TANC1: variants seen among roughly 807,000 people sequenced by gnomAD.
The protein encoded by TANC1 is tetratricopeptide repeat, ankyrin repeat and coiled-coil containing 1, also known as protein TANC1.
In TANC1, 77 loss-of-function variants were observed where a neutral mutation model predicts 149.7. The observed-to-expected ratio is 0.51, with a 90% CI of 0.43 to 0.62. The LOEUF is 0.62. Among genes scored for constraint, TANC1 ranks in the 20% least tolerant of loss-of-function variants. The pLI is 0.00. For missense variants in TANC1, 1,985 were observed against 2,321.8 expected, an observed-to-expected ratio of 0.85 and a Z score of 2.98; for synonymous variants, 854 against 925.0, an observed-to-expected ratio of 0.92 and a Z score of 1.39.
In TANC1 at chr2:159,219,290, A is replaced by G; in HGVS notation, c.3431A>G (p.Gln1144Arg). ...TGTGATGTGAACCTAAGTGACAAGC[A>G]AGGCCGGACGCCCCTCATGGTGGCT... ...RGCDVNLSDK[Q>R]GRTPLMVAAC... The change falls in exon 21 of 27, where the codon CAA becomes CGA. Residue 1144 changes from glutamine to arginine, a missense_variant. Gln to Arg is a conservative substitution (Grantham distance 43). Around this residue, in one of 3 missense-constraint regions of TANC1, gnomAD observed 920 missense variants for 994.7 expected, o/e 0.92. Transcript: ENST00000263635. 1.2e-6 allele frequency: 2 copies of G among 1,614,186 alleles called. No homozygotes were observed. Among genetic ancestry groups the G allele is most frequent in the Non-Finnish European group, 1.7e-6 (2 of 1,180,038 alleles).
chr2:159,003,445 G>A (rs760683020), intron 2 of TANC1, among the ~76,000 whole-genome samples: 2 of 152,150 alleles, frequency 1.3e-5, no homozygotes, highest in Non-Finnish European at 2.9e-5. Context: ...ATATCCCTCA[G>A]CCAGAAACAG....
intron 10 of TANC1, among the ~76,000 whole-genome samples, chr2:159,171,609 C>G (rs1485328658): frequency 6.6e-6 from 1 of 152,140 alleles, no homozygotes; most frequent in Admixed American, 6.5e-5. Flanking sequence ...GTAATCCCAG[C>G]ACTTTGGTAG....
At chr2:159,116,430 AAACAACAACAAC>A (rs70994264) in intron 4 of TANC1, among the ~76,000 whole-genome samples, 184 of 148,706 alleles carry the variant, frequency 1.2e-3, no homozygotes, top group African/African-American at 4.3e-3. Flanking sequence ...CAGTCTCAAA[AAACAACAACAAC>A]AACAACAACA....
intron 8 of TANC1, among the ~76,000 whole-genome samples, chr2:159,163,964 G>A (rs2054313508): frequency 6.6e-6 from 1 of 152,150 alleles, no homozygotes; most frequent in Non-Finnish European, 1.5e-5. Context: ...AATTGAGGCC[G>A]ATTGTACAGG....
Position 159,230,106 on chromosome 2 carries a change from CCCT to C in TANC1, c.4686_4688del (p.Pro1563del). 1 of 1,614,008 alleles carries C rather than the reference CCCT, an allele frequency of 6.2e-7. No individual in the cohort carries two copies. Among genetic ancestry groups the C allele is most frequent in the Non-Finnish European group, 8.5e-7 (1 of 1,180,046 alleles). On this transcript the variant is annotated inframe_deletion, in exon 27 of 27. Transcript: ENST00000263635. This position sits in a 1 kb window ranked among gnomAD's most constrained non-coding sequence, Gnocchi z 4.4. ...TGAAAGTTCAGATCTCTTCTCAGAACCCTCCTCCAAGTCCCATGCCAGGGAGAA... is the reference window on the plus strand; with the variant it reads ...TGAAAGTTCAGATCTCTTCTCAGAACCCTCCAAGTCCCATGCCAGGGAGAA...
intron 2 of TANC1, among the ~76,000 whole-genome samples, chr2:159,021,877 G>A (rs1042437791): frequency 2.0e-5 from 3 of 152,122 alleles, no homozygotes; most frequent in South Asian, 2.1e-4. Context: ...TATATAGGTC[G>A]TAAGGCCAAG....
chr2:159,095,685 G>A (rs969757051), intron 3 of TANC1, among the ~76,000 whole-genome samples: 9 of 144,278 alleles, frequency 6.2e-5, no homozygotes, highest in East Asian at 4.0e-4. Context: ...GCAGTGAGTC[G>A]AGATCGTGCC....
At chr2:159,173,407 C>A (rs1251775525) in intron 11 of TANC1, among the ~76,000 whole-genome samples, 1 of 152,150 alleles carries the variant, frequency 6.6e-6, no homozygotes, top group East Asian at 1.9e-4. Flanking sequence ...GAGTTGGAGA[C>A]CAGCCTGGCC....
At chr2:159,131,589 T>C (rs2050113498) in intron 4 of TANC1, among the ~76,000 whole-genome samples, 1 of 149,932 alleles carries the variant, frequency 6.7e-6, no homozygotes, top group African/African-American at 2.4e-5. Flanking sequence ...GCAATCTGTT[T>C]CCTACCTTCA....
chr2:159,185,927 G>A (rs1312586062), intron 15 of TANC1, 28 bp downstream of exon 15: 2 of 1,513,960 alleles, frequency 1.3e-6, no homozygotes, highest in Non-Finnish European at 1.8e-6. Context: ...TTGGGGAAGG[G>A]TTTCTTTGTT....
intron 3 of TANC1, among the ~76,000 whole-genome samples, chr2:159,072,244 A>G (rs1323444709): frequency 6.6e-6 from 1 of 152,212 alleles, no homozygotes; most frequent in East Asian, 1.9e-4. Flanking sequence ...AGCCTCACAG[A>G]GTGCTGGGAT....
chr2:159,122,653 A>G (rs2048974872), intron 4 of TANC1, among the ~76,000 whole-genome samples: 2 of 152,058 alleles, frequency 1.3e-5, no homozygotes, highest in African/African-American at 4.8e-5. Flanking sequence ...TTGCCTTTTC[A>G]GATGTCGTGT....
intron 5 of TANC1, among the ~76,000 whole-genome samples, chr2:159,137,583 G>A (rs1159028363): frequency 1.3e-5 from 2 of 152,208 alleles, no homozygotes; most frequent in Non-Finnish European, 2.9e-5. Flanking sequence ...GTCTGGTTAG[G>A]ATAGCCAACT....
intron 19 of TANC1, among the ~76,000 whole-genome samples, chr2:159,201,578 G>A (rs539360435): frequency 5.3e-5 from 8 of 152,272 alleles, no homozygotes; most frequent in South Asian, 4.1e-4. Context: ...TCCTGTTCTC[G>A]TTTGGTCCTC....
intron 7 of TANC1, among the ~76,000 whole-genome samples, chr2:159,157,836 A>G (rs371076552): frequency 6.6e-6 from 1 of 152,164 alleles, no homozygotes; most frequent in East Asian, 1.9e-4. Context: ...ATTTTTCTTC[A>G]GTTGTGTGGG....
At chr2:159,136,108 G>T in intron 4 of TANC1, 86 bp from the exon 5 acceptor site, 1 of 792,462 alleles carries the variant, frequency 1.3e-6, no homozygotes. Context: ...GCATATTTGG[G>T]TCCTGGTAAG....
At chr2:159,060,894 G>C (rs1051806933) in intron 2 of TANC1, among the ~76,000 whole-genome samples, 5 of 152,140 alleles carry the variant, frequency 3.3e-5, no homozygotes, top group Non-Finnish European at 7.3e-5. Flanking sequence ...TTTGTCTAGG[G>C]TGTTTTTTGT....
intron 7 of TANC1, among the ~76,000 whole-genome samples, chr2:159,153,819 C>G (rs1455854436): frequency 6.6e-6 from 1 of 152,114 alleles, no homozygotes; most frequent in Non-Finnish European, 1.5e-5. Context: ...GAAGAGCATG[C>G]CTGTTTTTAT....
intron 12 of TANC1, among the ~76,000 whole-genome samples, chr2:159,176,061 C>T (rs2055825491): frequency 6.6e-6 from 1 of 152,134 alleles, no homozygotes; most frequent in South Asian, 2.1e-4. Flanking sequence ...TGTAGCCCAC[C>T]CCAATGACAG....
Sources: gnomAD v4.1 joint callset for allele counts (sites outside exome capture counted in the v4.1 genomes callset) on GRCh38, gnomAD v4.1.1 for gene constraint, gnomAD v4.1.1 regional missense constraint, Gnocchi (gnomAD v3.1) non-coding constraint, MANE v1.5 for transcripts, NCBI Gene and HGNC (gene_info 2026-07-23, HGNC 2026-07-21) for gene names.